The following NLN variants were observed in gnomAD, a reference collection of about 807,000 sequenced individuals.
The protein encoded by NLN is neurolysin, mitochondrial.
A neutral mutation model predicts 79.9 loss-of-function variants in NLN; 64 were observed. The observed-to-expected ratio is 0.80, with a 90% CI of 0.65 to 0.99. NLN has a LOEUF of 0.99. NLN is among the 50% of genes least tolerant of loss of function. The pLI is 0.00. For missense variants in NLN, 835 were observed against 858.7 expected (o/e 0.97, Z 0.34); for synonymous variants, 267 against 296.6 (o/e 0.90, Z 1.02).
At chr5:65,768,748 C>T (rs1253443519) in intron 3 of NLN, among the ~76,000 whole-genome samples, 2 of 152,194 alleles carry the variant, frequency 1.3e-5, no homozygotes, top group Admixed American at 1.3e-4. Flanking sequence ...TCAGTGTGTG[C>T]ACATGGCACG....
intron 3 of NLN, among the ~76,000 whole-genome samples, chr5:65,763,431 T>G (rs927202792): frequency 1.3e-4 from 20 of 152,204 alleles, no homozygotes; most frequent in Non-Finnish European, 2.5e-4. Flanking sequence ...GGAATCAAGT[T>G]GTTTATCTGT....
At chr5:65,786,580 G>T (rs1469204149) in intron 7 of NLN, among the ~76,000 whole-genome samples, 1 of 152,066 alleles carries the variant, frequency 6.6e-6, no homozygotes, top group Non-Finnish European at 1.5e-5. Flanking sequence ...CTTTTGGCTG[G>T]GCATGGCAGT....
At chr5:65,743,161 G>T (rs745744869) in intron 1 of NLN, among the ~76,000 whole-genome samples, 12 of 152,254 alleles carry the variant, frequency 7.9e-5, no homozygotes, top group Non-Finnish European at 1.6e-4. Context: ...AGCCTTGCTG[G>T]TATAGCTATG....
At chr5:65,795,682 G>C (rs1009890379) in intron 9 of NLN, among the ~76,000 whole-genome samples, 5 of 152,114 alleles carry the variant, frequency 3.3e-5, no homozygotes, top group Non-Finnish European at 7.4e-5. Flanking sequence ...GTGAGACTCT[G>C]TCTCAAAATA....
intron 1 of NLN, among the ~76,000 whole-genome samples, chr5:65,744,662 G>A (rs1351880533): frequency 6.6e-6 from 1 of 152,148 alleles, no homozygotes; most frequent in Non-Finnish European, 1.5e-5. Context: ...ACTTTGGGAG[G>A]CCGAGGCGGG....
chr5:65,809,615 G>A lies in NLN; in HGVS notation c.1628G>A (p.Arg543Gln), dbSNP rs372513324. ...TGGGTGTGGGACGTCGATTCCCTCC[G>A]AAGATTGTCAAAACATTATAAAGAT... ...ENWVWDVDSLRRLSKHYKDGS... is the reference protein window; with the variant it reads ...ENWVWDVDSLQRLSKHYKDGS... Residue 543 changes from arginine (R) to glutamine (Q), a missense_variant, in exon 10 of 13, where the codon CGA becomes CAA. Coordinates refer to ENST00000380985, the MANE Select transcript of NLN (RefSeq NM_020726.5). 46 of 1,613,818 alleles carry A rather than the reference G, an allele frequency of 2.9e-5. No individual in the cohort carries two copies. Among genetic ancestry groups the A allele is most frequent in the Middle Eastern group, 1.6e-4 (1 of 6,084 alleles).
chr5:65,748,988 G>A (rs559731061), intron 1 of NLN, among the ~76,000 whole-genome samples: 31 of 152,230 alleles, frequency 2.0e-4, no homozygotes, highest in African/African-American at 7.5e-4. Context: ...TGCTTTTCTC[G>A]TGATAGTGAA....
chr5:65,728,625 AT>A (rs1561175103), intron 1 of NLN, among the ~76,000 whole-genome samples: 3 of 152,070 alleles, frequency 2.0e-5, no homozygotes, highest in Admixed American at 1.3e-4. Context: ...GAGCATTTTA[AT>A]TTTTTTTATC....
intron 12 of NLN, among the ~76,000 whole-genome samples, chr5:65,819,323 C>T (rs1157527100): frequency 6.6e-6 from 1 of 152,086 alleles, no homozygotes; most frequent in East Asian, 1.9e-4. Flanking sequence ...AGATATTATG[C>T]TAGAGAGCAA....
intron 9 of NLN, among the ~76,000 whole-genome samples, chr5:65,805,484 G>T (rs1215207118): frequency 6.6e-6 from 1 of 152,190 alleles, no homozygotes; most frequent in East Asian, 1.9e-4. Flanking sequence ...AAGTTTTAGT[G>T]GTCTGGGTAG....
rs1305278426 is a variant in NLN, at chr5:65,823,210, AATATG to A, written c.*300_*304del. On this transcript the variant is annotated 3_prime_UTR_variant, in exon 13 of 13. Coordinates refer to ENST00000380985, the MANE Select transcript of NLN (RefSeq NM_020726.5). Reference sequence around the variant, plus strand: ...GATTTTTTACTATTATAATCTAGATAATATGATATAAGAGGGCTAAGAATTTTTAA... The same window carrying A: ...GATTTTTTACTATTATAATCTAGATAATATAAGAGGGCTAAGAATTTTTAA... The A allele has an allele frequency of 2.3e-5, 6 of 258,992 alleles. No homozygotes were observed. Among genetic ancestry groups the A allele is most frequent in the African/African-American group, 9.1e-5 (4 of 44,040 alleles). 16.0% of individuals were successfully genotyped at this position (258,992 alleles called of 1,614,324 possible).
intron 6 of NLN, among the ~76,000 whole-genome samples, chr5:65,782,250 C>T (rs1413234567): frequency 6.6e-6 from 1 of 152,128 alleles, no homozygotes; most frequent in Non-Finnish European, 1.5e-5. Flanking sequence ...GTCCATTATC[C>T]TTGATGACCA....
chr5:65,812,434 C>G (rs752606320), intron 12 of NLN, 43 bp downstream of exon 12: 3 of 1,349,886 alleles, frequency 2.2e-6, no homozygotes, highest in Non-Finnish European at 3.1e-6. Flanking sequence ...TGTAGTTGCT[C>G]CCTCCCCTTT....
At chr5:65,770,426 A>G (rs569074493) in intron 3 of NLN, among the ~76,000 whole-genome samples, 2 of 152,230 alleles carry the variant, frequency 1.3e-5, no homozygotes, top group Non-Finnish European at 2.9e-5. Context: ...AAGATGTTCA[A>G]TTTTATTAGT....
In NLN at chr5:65,792,846, C is replaced by A. The variant is rs1027068042; in HGVS notation, c.1527+191C>A. On this transcript the variant is annotated intron_variant, in intron 9 of 12. Coordinates refer to ENST00000380985, the MANE Select transcript of NLN (RefSeq NM_020726.5). ...CACAACATATTTTTACTTGGAGGTT[C>A]ATCTACCAGTGAAAGATGTTTGTTG... 22 of 654,398 alleles carry A rather than the reference C, an allele frequency of 3.4e-5. No individual in the cohort carries two copies. The Admixed American group carries it at 4.1e-4, about 12-fold the overall frequency. The allele number at this position is 654,398 out of a possible 1,614,324, so 40.5% of individuals were successfully genotyped here. A position where few individuals can be genotyped will look rare whatever the true frequency, so the allele number is the denominator to read the frequency against.
chr5:65,801,204 C>T (rs571857730), intron 9 of NLN, among the ~76,000 whole-genome samples: 1 of 152,334 alleles, frequency 6.6e-6, no homozygotes, highest in South Asian at 2.1e-4. Context: ...AATACATTAG[C>T]ATCAATAGTT....
At chr5:65,750,262 GA>G (rs1223847719) in intron 1 of NLN, among the ~76,000 whole-genome samples, 2 of 152,226 alleles carry the variant, frequency 1.3e-5, no homozygotes, top group African/African-American at 4.8e-5. Flanking sequence ...TTGAATATTT[GA>G]AATGTGCCTG....
chr5:65,768,362 G>A (rs1759499315), intron 3 of NLN, among the ~76,000 whole-genome samples: 2 of 152,100 alleles, frequency 1.3e-5, no homozygotes, highest in South Asian at 2.1e-4. Flanking sequence ...TGAACTTAGG[G>A]GAAGCATTAG....
chr5:65,756,086 C>T (rs1337003409), intron 1 of NLN, among the ~76,000 whole-genome samples: 2 of 152,122 alleles, frequency 1.3e-5, no homozygotes, highest in Non-Finnish European at 2.9e-5. Context: ...AACATCTGTA[C>T]GTTTGCTGTT....
Sources: gnomAD v4.1 joint callset for allele counts (sites outside exome capture counted in the v4.1 genomes callset) on GRCh38, gnomAD v4.1.1 for gene constraint, MANE v1.5 for transcripts, NCBI Gene and HGNC (gene_info 2026-07-23, HGNC 2026-07-21) for gene names.